Variants in RBFOX3 observed in about 807,000 individuals in gnomAD.
RBFOX3 encodes RNA binding fox-1 homolog 3.
Under a neutral mutation model 48.7 loss-of-function variants are expected in RBFOX3, and 17 were observed. The ratio of observed to expected loss-of-function variants is 0.35; its 90% CI spans 0.24 to 0.52. The LOEUF is 0.52. Among genes scored for constraint, RBFOX3 ranks in the 20% least tolerant of loss-of-function variants. The pLI, the probability that RBFOX3 is intolerant of heterozygous loss-of-function variation, is 0.94. For synonymous variants in RBFOX3, 212 were observed against 209.5 expected (o/e 1.01, Z -0.10); for missense variants, 382 against 497.5 (o/e 0.77, Z 2.21).
At chr17:79,353,941 C>T (rs2084458319) in intron 2 of RBFOX3, among the ~76,000 whole-genome samples, 2 of 152,212 alleles carry the variant, frequency 1.3e-5, no homozygotes, top group Non-Finnish European at 2.9e-5. Flanking sequence ...AAGTCCTCTG[C>T]ATCTCTCTCA....
rs2086283376 is a variant in RBFOX3, at chr17:79,361,214, T to C, written c.-174-53390A>G. On this transcript the variant is annotated intron_variant, in intron 2 of 14. Coordinates refer to ENST00000693108, the MANE Select transcript of RBFOX3 (RefSeq NM_001350451.2). The surrounding 1 kb of genome is among the most constrained non-coding windows in gnomAD (Gnocchi z 4.5). ...GACCCACCCATCTGCAGACAATTTC[T>C]CCTGGACCAATCCCATCCTCGGCTT... 6.6e-6 allele frequency among the ~76,000 whole-genome samples: 1 copy of C among 152,158 alleles called. No homozygotes were observed. Among genetic ancestry groups the C allele is most frequent in the African/African-American group, 2.4e-5 (1 of 41,426 alleles).
chr17:79,433,643 C>T (rs1396387952), intron 2 of RBFOX3, among the ~76,000 whole-genome samples: 2 of 152,196 alleles, frequency 1.3e-5, no homozygotes, highest in African/African-American at 4.8e-5. Context: ...TGAGCCACGC[C>T]CAGCTGGCTC....
At chr17:79,493,265 G>A (rs1010486594) in intron 1 of RBFOX3, among the ~76,000 whole-genome samples, 1 of 152,086 alleles carries the variant, frequency 6.6e-6, no homozygotes, top group Admixed American at 6.6e-5. Flanking sequence ...CATCCATGAG[G>A]GATCCGCCCC....
intron 4 of RBFOX3, among the ~76,000 whole-genome samples, chr17:79,127,543 G>A (rs1490196770): frequency 1.3e-5 from 2 of 152,074 alleles, no homozygotes; most frequent in Non-Finnish European, 1.5e-5. Flanking sequence ...GAAGTTTTAG[G>A]GAAAATAAAA....
intron 2 of RBFOX3, among the ~76,000 whole-genome samples, chr17:79,405,841 C>T (rs373269199): frequency 6.6e-6 from 1 of 152,264 alleles, no homozygotes. Context: ...ATGCCCCTCC[C>T]CAGCCATTCC....
intron 3 of RBFOX3, among the ~76,000 whole-genome samples, chr17:79,274,907 T>C (rs942436340): frequency 6.6e-5 from 10 of 151,856 alleles, no homozygotes; most frequent in African/African-American, 2.4e-4. Flanking sequence ...GTCCTGCTAG[T>C]GCCCCAATCC....
rs1426376392 is a variant in RBFOX3 at position 79,103,198 on chromosome 17, C to G, written c.471G>C (p.Lys157Asn). Residue 157 changes from lysine to asparagine, a missense_variant, in exon 8 of 15, where the codon AAG becomes AAC. Lys to Asn is a moderately conservative substitution (Grantham distance 94). This residue lies in a region of RBFOX3 where 49 missense variants were observed against 110.7 expected (regional missense o/e 0.44). Coordinates refer to ENST00000693108, the MANE Select transcript of RBFOX3 (RefSeq NM_001350451.2). The surrounding 1 kb of genome is among the most constrained non-coding windows in gnomAD (Gnocchi z 6.1). ...GTCCCTCTACGATCGTCCCATTCAG[C>G]TTCTCCCGGGCTCGGTCAGCATCTG... ...TSSDADRARE[K>N]LNGTIVEGRK... 1 of 1,551,470 alleles carries G rather than the reference C, an allele frequency of 6.4e-7. No homozygotes were observed. Among genetic ancestry groups the G allele is most frequent in the Middle Eastern group, 1.7e-4 (1 of 5,986 alleles).
At chr17:79,340,444 C>T (rs2081910377) in intron 2 of RBFOX3, among the ~76,000 whole-genome samples, 1 of 152,202 alleles carries the variant, frequency 6.6e-6, no homozygotes, top group South Asian at 2.1e-4. Context: ...GGCAGGGTTC[C>T]TGGGCTTACA....
At chr17:79,193,464 G>A (rs1460198333) in intron 4 of RBFOX3, among the ~76,000 whole-genome samples, 1 of 151,930 alleles carries the variant, frequency 6.6e-6, no homozygotes, top group East Asian at 1.9e-4. Context: ...ACCCCCTACT[G>A]CTGTTTTATT....
intron 1 of RBFOX3, among the ~76,000 whole-genome samples, chr17:79,543,829 C>G (rs1177339673): frequency 4.6e-5 from 7 of 150,974 alleles, no homozygotes; most frequent in Non-Finnish European, 1.0e-4. Context: ...AGGAAAGACA[C>G]AGCCAGGGTG....
At chr17:79,118,993 AT>A (rs1568165858) in intron 4 of RBFOX3, among the ~76,000 whole-genome samples, 20 of 121,578 alleles carry the variant, frequency 1.6e-4, no homozygotes, top group East Asian at 2.9e-4. Flanking sequence ...AAAAAAAAAA[AT>A]AAAGAAAATA....
chr17:79,151,993 C>G (rs67677487), intron 4 of RBFOX3, among the ~76,000 whole-genome samples: 2 of 95,558 alleles, frequency 2.1e-5, no homozygotes, highest in African/African-American at 4.2e-5. Flanking sequence ...ATCCCCAAGG[C>G]CCCCTGTCCC....
At chr17:79,377,360 C>A (rs906918409) in intron 2 of RBFOX3, among the ~76,000 whole-genome samples, 1 of 152,174 alleles carries the variant, frequency 6.6e-6, no homozygotes, top group African/African-American at 2.4e-5. Flanking sequence ...TGCACACCCA[C>A]TTGTAAACGG....
chr17:79,124,464 C>T (rs989566316), intron 4 of RBFOX3, among the ~76,000 whole-genome samples: 2 of 152,206 alleles, frequency 1.3e-5, no homozygotes, highest in Admixed American at 6.5e-5. Context: ...TAGAGGTGAA[C>T]GAGATGGGGC....
intron 2 of RBFOX3, among the ~76,000 whole-genome samples, chr17:79,317,693 A>G (rs967122847): frequency 8.5e-5 from 13 of 152,144 alleles, no homozygotes; most frequent in African/African-American, 1.9e-4. Flanking sequence ...CCACTAATTA[A>G]CTAGCTGCTT....
intron 1 of RBFOX3, among the ~76,000 whole-genome samples, chr17:79,486,941 C>G (rs1286336749): frequency 6.6e-6 from 1 of 152,202 alleles, no homozygotes; most frequent in African/African-American, 2.4e-5. Flanking sequence ...TGCTCTGGCC[C>G]CAAAAGGTCT....
intron 1 of RBFOX3, among the ~76,000 whole-genome samples, chr17:79,609,331 C>T (rs1189786127): frequency 6.6e-6 from 1 of 152,118 alleles, no homozygotes; most frequent in Non-Finnish European, 1.5e-5. Context: ...ATGCCCAAGG[C>T]GTCCCCGAGT....
At chr17:79,626,345 G>A in the RBFOX3 span, among the ~76,000 whole-genome samples, 1 of 152,156 alleles carries the variant, frequency 6.6e-6, no homozygotes, top group Admixed American at 6.5e-5. Flanking sequence ...AAAGAAAAGG[G>A]GGAAAGCCTT....
Position 79,252,171 on chromosome 17 carries a change from C to A in RBFOX3, c.-73-16366G>T, listed in dbSNP as rs532515475. Among the ~76,000 whole-genome samples the A allele has an allele frequency of 6.6e-6, 1 of 152,290 alleles. No individual in the cohort carries two copies. The highest frequency in any genetic ancestry group is 1.5e-5 in the Non-Finnish European group (1 of 68,018). ...TTGCCTAGTGGGTAACTGGGCATTGCAGGGCCCCTTCTCCTTCCACCCTTT... is the reference window on the plus strand; with the variant it reads ...TTGCCTAGTGGGTAACTGGGCATTGAAGGGCCCCTTCTCCTTCCACCCTTT... On this transcript the variant is annotated intron_variant, in intron 3 of 14. Transcript: ENST00000693108. This position sits in a 1 kb window ranked among gnomAD's most constrained non-coding sequence, Gnocchi z 4.0.
Sources: gnomAD v4.1 joint callset for allele counts (sites outside exome capture counted in the v4.1 genomes callset) on GRCh38, gnomAD v4.1.1 for gene constraint, gnomAD v4.1.1 regional missense constraint, Gnocchi (gnomAD v3.1) non-coding constraint, MANE v1.5 for transcripts, NCBI Gene and HGNC (gene_info 2026-07-23, HGNC 2026-07-21) for gene names.